DOCK1: variants seen among roughly 807,000 people sequenced by gnomAD.
DOCK1 encodes the protein dedicator of cytokinesis protein 1.
Under a neutral mutation model 262.7 loss-of-function variants are expected in DOCK1, and 138 were observed. The ratio of observed to expected loss-of-function variants is 0.53; its 90% CI spans 0.46 to 0.61. DOCK1 has a LOEUF of 0.61. DOCK1 is among the 20% of genes least tolerant of loss of function. DOCK1 has a pLI of 0.00. For missense variants in DOCK1, 1,908 were observed against 2,370.7 expected, an observed-to-expected ratio of 0.80 and a Z score of 4.05; for synonymous variants, 866 against 867.4, an observed-to-expected ratio of 1.00 and a Z score of 0.03.
At chr10:127,227,457 A>G (rs2058685858) in intron 27 of DOCK1, among the ~76,000 whole-genome samples, 1 of 152,198 alleles carries the variant, frequency 6.6e-6, no homozygotes, top group Non-Finnish European at 1.5e-5. Flanking sequence ...AGAAGCAGGC[A>G]CGAAAGGCAT....
intron 29 of DOCK1, among the ~76,000 whole-genome samples, chr10:127,299,896 T>C (rs1016292314): frequency 1.3e-5 from 2 of 152,210 alleles, no homozygotes; most frequent in Non-Finnish European, 2.9e-5. Flanking sequence ...CTCTTGCCTT[T>C]CTGAAGATGT....
intron 33 of DOCK1, among the ~76,000 whole-genome samples, chr10:127,371,027 C>CA (rs1330064893): frequency 1.3e-5 from 2 of 152,230 alleles, no homozygotes. Context: ...AACCTTGTTG[C>CA]AAATCACCAG....
At chr10:127,112,862 G>A (rs2048950245) in intron 25 of DOCK1, among the ~76,000 whole-genome samples, 2 of 152,160 alleles carry the variant, frequency 1.3e-5, no homozygotes, top group Admixed American at 6.5e-5. Context: ...TGGCCAACGT[G>A]AAAATGGTCC....
intron 38 of DOCK1, among the ~76,000 whole-genome samples, chr10:127,396,654 G>A (rs2892144): frequency 0.41 from 62,493 of 151,466 alleles, 13,542 homozygotes; most frequent in Middle Eastern, 0.54. Context: ...CCGAGCAAGA[G>A]GCAACTGTAT....
intron 38 of DOCK1, among the ~76,000 whole-genome samples, chr10:127,388,847 C>T (rs1225505972): frequency 7.1e-6 from 1 of 141,104 alleles, no homozygotes; most frequent in Non-Finnish European, 1.5e-5. Flanking sequence ...CACCCACGTG[C>T]ACCACACAGC....
chr10:127,421,940 G>A (rs2068535497), intron 46 of DOCK1, among the ~76,000 whole-genome samples: 1 of 152,096 alleles, frequency 6.6e-6, no homozygotes, highest in Non-Finnish European at 1.5e-5. Context: ...GTGAATGTGG[G>A]TGTATAAATA....
At chr10:127,218,821 G>T (rs937725396) in intron 27 of DOCK1, among the ~76,000 whole-genome samples, 4 of 152,236 alleles carry the variant, frequency 2.6e-5, no homozygotes, top group Admixed American at 2.0e-4. Context: ...GGTTCTGGTG[G>T]CTGGGAAGTC....
intron 27 of DOCK1, among the ~76,000 whole-genome samples, chr10:127,246,686 C>T (rs2059442089): frequency 6.6e-6 from 1 of 152,124 alleles, no homozygotes; most frequent in Admixed American, 6.5e-5. Flanking sequence ...GTAATGCGTC[C>T]TTCGAGGACT....
chr10:127,124,960 A>C lies in DOCK1; in HGVS notation c.2624-514A>C, dbSNP rs186181661. ...AACCCCATGTCTACTAAAAATAAAAAAAAAAAATTAGCTGGGCGTGGTGGC... is the reference window on the plus strand; with the variant it reads ...AACCCCATGTCTACTAAAAATAAAACAAAAAAATTAGCTGGGCGTGGTGGC... On this transcript the variant is annotated intron_variant, in intron 25 of 51. Coordinates refer to ENST00000623213, the MANE Select transcript of DOCK1 (RefSeq NM_001290223.2). Among the ~76,000 whole-genome samples, 92 of 152,230 alleles carry C rather than the reference A, an allele frequency of 6.0e-4. 1 individual carries two copies. Among genetic ancestry groups the C allele is most frequent in the Non-Finnish European group, 9.4e-4 (64 of 68,006 alleles).
chr10:127,103,512 G>A (rs934994125), intron 23 of DOCK1, among the ~76,000 whole-genome samples: 1 of 152,156 alleles, frequency 6.6e-6, no homozygotes, highest in Non-Finnish European at 1.5e-5. Flanking sequence ...TCTGTCGGGG[G>A]TTTTCAAACC....
intron 27 of DOCK1, among the ~76,000 whole-genome samples, chr10:127,246,546 A>AT (rs2059436793): frequency 6.6e-6 from 1 of 152,242 alleles, no homozygotes; most frequent in African/African-American, 2.4e-5. Context: ...GAAAACAAGC[A>AT]TTATTTAGCT....
intron 27 of DOCK1, among the ~76,000 whole-genome samples, chr10:127,240,495 T>C (rs1009914628): frequency 1.3e-5 from 2 of 152,136 alleles, no homozygotes; most frequent in Non-Finnish European, 2.9e-5. Context: ...CATTTTCCGG[T>C]GAGCTTCAGT....
chr10:127,222,219 G>A (rs1249558227), intron 27 of DOCK1, among the ~76,000 whole-genome samples: 1 of 152,198 alleles, frequency 6.6e-6, no homozygotes, highest in Non-Finnish European at 1.5e-5. Flanking sequence ...TTTCACTCAT[G>A]CCAGCATTTC....
At chr10:126,941,006 A>G (rs2134249040) in intron 1 of DOCK1, among the ~76,000 whole-genome samples, 1 of 152,350 alleles carries the variant, frequency 6.6e-6, no homozygotes, top group East Asian at 1.9e-4. Flanking sequence ...TGGATAAACA[A>G]CCAAAGTAAT....
intron 1 of DOCK1, among the ~76,000 whole-genome samples, chr10:126,918,982 A>ATGGGCACAGAGGATTTG (rs1202196352): frequency 1.3e-5 from 2 of 151,552 alleles, no homozygotes; most frequent in African/African-American, 4.8e-5. Flanking sequence ...GAGAAAGCCG[A>ATGGGCACAGAGGATTTG]GAGGGAGTGT....
intron 27 of DOCK1, among the ~76,000 whole-genome samples, chr10:127,188,910 G>C (rs1200266313): frequency 6.6e-6 from 1 of 152,222 alleles, no homozygotes; most frequent in Non-Finnish European, 1.5e-5. Context: ...AGGTCACACA[G>C]ATACTGGCAG....
At position 127,197,313 on chromosome 10, in the gene DOCK1, C is replaced by T. The variant is rs913273493; in HGVS notation, c.2848-50695C>T. Among the ~76,000 whole-genome samples the T allele has an allele frequency of 1.2e-4, 18 of 152,334 alleles. 1 individual carries two copies. In the South Asian group the frequency reaches 3.7e-3, roughly 32 times the overall value. On this transcript the variant is annotated intron_variant, in intron 27 of 51. Coordinates refer to ENST00000623213, the MANE Select transcript of DOCK1 (RefSeq NM_001290223.2). ...GCGCAGAGGCTGAGTTCCTTTGTGGCAGAGTAGAATTCTCTTGGGAGAGGA... is the reference window on the plus strand; with the variant it reads ...GCGCAGAGGCTGAGTTCCTTTGTGGTAGAGTAGAATTCTCTTGGGAGAGGA...
rs934598021 is a variant in DOCK1, at chr10:126,955,091, A to G, written c.47-15611A>G. Among the ~76,000 whole-genome samples, 418 of 152,304 alleles carry G rather than the reference A, an allele frequency of 2.7e-3. 2 individuals carry two copies. The highest frequency in any genetic ancestry group is 9.7e-3 in the African/African-American group (404 of 41,572). ...TTTGTTATTTATTTAAATAATAGCC[A>G]TCCTAATCATCTCCAAATGTATCAC... On this transcript the variant is annotated intron_variant, in intron 1 of 51. Coordinates refer to ENST00000623213, the MANE Select transcript of DOCK1 (RefSeq NM_001290223.2).
chr10:127,256,158 A>G (rs993968051), intron 28 of DOCK1, among the ~76,000 whole-genome samples: 2 of 152,100 alleles, frequency 1.3e-5, no homozygotes, highest in Admixed American at 1.3e-4. Context: ...GGCACACCAA[A>G]CTCCTCACAC....
Sources: allele counts gnomAD v4.1 joint callset (sites outside exome capture counted in the v4.1 genomes callset), GRCh38; gene constraint gnomAD v4.1.1; transcripts MANE v1.5; gene names NCBI Gene and HGNC (gene_info 2026-07-23, HGNC 2026-07-21).